Variants in MAX observed in about 807,000 individuals in gnomAD.
The protein encoded by MAX is MYC associated transcriptional regulator X.
A neutral mutation model predicts 22.3 loss-of-function variants in MAX; 3 were observed. The observed-to-expected ratio is 0.13, with a 90% confidence interval of 0.06 to 0.35. MAX has a LOEUF of 0.35. Among genes scored for constraint, MAX ranks in the 10% least tolerant of loss-of-function variants. The pLI, the probability that MAX is intolerant of heterozygous loss-of-function variation, is 1.00. For synonymous variants in MAX, 72 were observed against 77.7 expected (o/e 0.93, Z 0.39); for missense variants, 119 against 209.4 (o/e 0.57, Z 2.66).
intron 3 of MAX, among the ~76,000 whole-genome samples, chr14:65,055,673 C>T (rs1355335627): frequency 1.3e-5 from 2 of 151,978 alleles, no homozygotes; most frequent in Non-Finnish European, 2.9e-5. Context: ...TGCACCACCA[C>T]ACCCAGCTAA....
rs189763008 is a variant in MAX at position 65,065,922 on chromosome 14, A to G, written c.171+27786T>C. 2.0e-5 allele frequency among the ~76,000 whole-genome samples: 3 copies of G among 152,336 alleles called. No individual in the cohort carries two copies. In the East Asian group the frequency reaches 5.8e-4, roughly 29 times the overall value. On this transcript the variant is annotated intron_variant, in intron 3 of 3. Coordinates refer to the MAX transcript ENST00000341653. ...ACTGGAGAAACAGGTTGGAGAGCTTACGTAAATCACCCAAGGTTTCCCAGC... is the reference window on the plus strand; with the variant it reads ...ACTGGAGAAACAGGTTGGAGAGCTTGCGTAAATCACCCAAGGTTTCCCAGC...
chr14:65,028,843 G>A lies in MAX; in HGVS notation c.172-22559C>T, dbSNP rs540164572. Among the ~76,000 whole-genome samples the A allele has an allele frequency of 2.2e-4, 33 of 152,116 alleles. No individual in the cohort carries two copies. In the South Asian group the frequency reaches 3.9e-3, roughly 18 times the overall value. ...TTTCCCTCGTGTTCACTACATTTTC[G>A]TTCCTGTTCTGTTGCTATTCCCCCA... is the stretch of plus-strand genomic sequence containing the variant. On this transcript the variant is annotated intron_variant, in intron 3 of 3. Transcript: ENST00000341653. This position sits in a 1 kb window ranked among gnomAD's most constrained non-coding sequence, Gnocchi z 4.4.
chr14:65,072,980 A>G (rs1386476087), downstream of MAX, among the ~76,000 whole-genome samples: 1 of 152,188 alleles, frequency 6.6e-6, no homozygotes. Context: ...TCACTTTAGG[A>G]AAGGTGTCTG....
intron 1 of MAX, 178 bp from the exon 2 acceptor site, chr14:65,101,750 T>C: frequency 1.7e-6 from 1 of 573,374 alleles, no homozygotes; most frequent in Non-Finnish European, 3.1e-6. Flanking sequence ...CGGGATCCGG[T>C]AGCAGGGTAG....
At chr14:65,053,375 A>G (rs1319468863) in intron 3 of MAX, 2 of 1,399,760 alleles carry the variant, frequency 1.4e-6, no homozygotes, top group South Asian at 1.8e-5. Flanking sequence ...CTGGGGAGGG[A>G]AGGGAGAGGG....
In MAX at chr14:65,068,283, A is replaced by T. The variant is rs547782884; in HGVS notation, c.171+25425T>A. ...AACCCCATAGCAACTAAAAACACAA[A>T]AATTAGCCTGGTGTGGTGGCATACA... On this transcript the variant is annotated intron_variant, in intron 3 of 3. Coordinates refer to the MAX transcript ENST00000341653. 3.9e-5 allele frequency among the ~76,000 whole-genome samples: 6 copies of T among 152,202 alleles called. No homozygotes were observed. The South Asian group carries it at 1.2e-3, about 32-fold the overall frequency.
At chr14:65,064,809 A>G (rs983319024) in intron 3 of MAX, among the ~76,000 whole-genome samples, 1 of 152,246 alleles carries the variant, frequency 6.6e-6, no homozygotes, top group African/African-American at 2.4e-5. Flanking sequence ...AATGGATGCT[A>G]GAGAGGCAAA....
At chr14:65,021,009 T>C (rs1181898181) in intron 3 of MAX, among the ~76,000 whole-genome samples, 1 of 149,302 alleles carries the variant, frequency 6.7e-6, no homozygotes, top group African/African-American at 2.5e-5. Flanking sequence ...GGATTACAGA[T>C]GTGAGCCACC....
chr14:65,087,985 TA>T (rs1006609512), intron 3 of MAX, among the ~76,000 whole-genome samples: 2 of 152,188 alleles, frequency 1.3e-5, no homozygotes, highest in African/African-American at 4.8e-5. Flanking sequence ...CTGATGGTTT[TA>T]AAAACAGGAG....
At chr14:65,070,167 A>G (rs984546528), downstream of MAX, among the ~76,000 whole-genome samples, 2 of 152,144 alleles carry the variant, frequency 1.3e-5, no homozygotes, top group African/African-American at 4.8e-5. This position sits in a 1 kb window ranked among gnomAD's most constrained non-coding sequence, Gnocchi z 4.4. Flanking sequence ...GGCTCATTCC[A>G]TACTCCTGGG....
At position 65,031,533 on chromosome 14, in the gene MAX, G is replaced by C. The variant is rs2062083788; in HGVS notation, c.172-25249C>G. On this transcript the variant is annotated intron_variant, in intron 3 of 3. Transcript: ENST00000341653. This position sits in a 1 kb window ranked among gnomAD's most constrained non-coding sequence, Gnocchi z 4.6. ...GGGTTTCGCAATATTGGTCAGGTTG[G>C]TCTTGAACTCCTGGCCTCGTGATCC... 6.6e-6 allele frequency among the ~76,000 whole-genome samples: 1 copy of C among 151,456 alleles called. No individual in the cohort carries two copies. Among genetic ancestry groups the C allele is most frequent in the Non-Finnish European group, 1.5e-5 (1 of 67,756 alleles).
intron 3 of MAX, among the ~76,000 whole-genome samples, chr14:65,068,806 C>T (rs935008773): frequency 6.6e-6 from 1 of 152,188 alleles, no homozygotes; most frequent in African/African-American, 2.4e-5. Context: ...ATACTATTCT[C>T]TCAACCCTTG....
At position 65,097,024 on chromosome 14, in the gene MAX, T is replaced by C. The variant is rs1054514811; in HGVS notation, c.64-3209A>G. On this transcript the variant is annotated intron_variant, in intron 2 of 4. Coordinates refer to ENST00000358664, the MANE Select transcript of MAX (RefSeq NM_002382.5). ...CCCTAACAGAAATACTAAGGGGCTA[T>C]GCAGTGGTCCACAGATGCTCAACAG... 2.6e-5 allele frequency among the ~76,000 whole-genome samples: 4 copies of C among 152,346 alleles called. No individual in the cohort carries two copies. The South Asian group carries it at 8.3e-4, about 32-fold the overall frequency.
chr14:65,088,697 T>C lies in MAX; in HGVS notation c.171+5011A>G, dbSNP rs1457966882. Among the ~76,000 whole-genome samples, 2 of 152,248 alleles carry C rather than the reference T, an allele frequency of 1.3e-5. No individual in the cohort carries two copies. The highest frequency in any genetic ancestry group is 1.9e-4 in the East Asian group (1 of 5,206). ...TAAATATTCACTATGCTCCCTACTA[T>C]GTGCAGGCACTGAGGGAAGAAATAT... On this transcript the variant is annotated intron_variant, in intron 3 of 4. Transcript: ENST00000358664. The surrounding 1 kb of genome is among the most constrained non-coding windows in gnomAD (Gnocchi z 5.2).
In MAX at chr14:65,046,466, C is replaced by G. The variant is rs1421507895; in HGVS notation, c.172-40182G>C. ...CAGGAGCACCACCTGTCAAAGTCTT[C>G]CAGGGGGGCTGCTGGTTAATTGTTT... On this transcript the variant is annotated intron_variant, in intron 3 of 3. Coordinates refer to the MAX transcript ENST00000341653. 2.6e-5 allele frequency among the ~76,000 whole-genome samples: 4 copies of G among 152,194 alleles called. No individual in the cohort carries two copies. In the South Asian group the frequency reaches 8.3e-4, roughly 32 times the overall value.
At chr14:65,013,953 C>T (rs1055819200) in intron 3 of MAX, among the ~76,000 whole-genome samples, 4 of 152,188 alleles carry the variant, frequency 2.6e-5, no homozygotes, top group Non-Finnish European at 5.9e-5. Context: ...CTCAAAGGCA[C>T]ATAGCGAGTA....
At position 65,045,056 on chromosome 14, in the gene MAX, G is replaced by A. The variant is rs568036326; in HGVS notation, c.172-38772C>T. ...GCACCATTGGAGTAGAGAAATCCAC[G>A]TTCGTTTCTGTGGGGTCTCAAATGG... On this transcript the variant is annotated intron_variant, in intron 3 of 3. Transcript: ENST00000341653. Among the ~76,000 whole-genome samples, 20 of 152,302 alleles carry A rather than the reference G, an allele frequency of 1.3e-4. No homozygotes were observed. In the South Asian group the frequency reaches 4.1e-3, roughly 32 times the overall value.
Position 65,032,729 on chromosome 14 carries a change from G to A in MAX, c.172-26445C>T, listed in dbSNP as rs2139592435. The A allele has an allele frequency of 1.2e-6, 2 of 1,602,638 alleles. No individual in the cohort carries two copies. The highest frequency in any genetic ancestry group is 1.1e-5 in the South Asian group (1 of 89,564). On this transcript the variant is annotated intron_variant, in intron 3 of 3. Coordinates refer to the MAX transcript ENST00000341653. This position sits in a 1 kb window ranked among gnomAD's most constrained non-coding sequence, Gnocchi z 5.0. ...AAGCCAGGGTTTCTCCTGGCCTCTT[G>A]GAGAGCAGGCGGTCACGACACTACT...
rs1193049482 is a variant in MAX at position 65,011,943 on chromosome 14, C to T, written c.172-5659G>A. Among the ~76,000 whole-genome samples, 1 of 152,098 alleles carries T rather than the reference C, an allele frequency of 6.6e-6. No individual in the cohort carries two copies. The highest frequency in any genetic ancestry group is 2.4e-5 in the African/African-American group (1 of 41,406). On this transcript the variant is annotated intron_variant, in intron 3 of 3. Coordinates refer to the MAX transcript ENST00000341653. This position sits in a 1 kb window ranked among gnomAD's most constrained non-coding sequence, Gnocchi z 4.0. The stretch of plus-strand genomic sequence containing the variant: ...AGTGGCGAGGCTCAGATTTAAATTG[C>T]TTATAGGATGGGGAGGCACAAAGAT...
Sources: gnomAD v4.1 joint callset for allele counts (sites outside exome capture counted in the v4.1 genomes callset) on GRCh38, gnomAD v4.1.1 for gene constraint, Gnocchi (gnomAD v3.1) non-coding constraint, MANE v1.5 for transcripts, NCBI Gene and HGNC (gene_info 2026-07-23, HGNC 2026-07-21) for gene names.